PDE8B: variants seen among roughly 807,000 people sequenced by gnomAD.
PDE8B encodes the protein high affinity cAMP-specific and IBMX-insensitive 3',5'-cyclic phosphodiesterase 8B.
In PDE8B, 26 loss-of-function variants were observed where a neutral mutation model predicts 101.3. That is an observed-to-expected ratio of 0.26 (90% CI 0.19 to 0.36). PDE8B has a LOEUF of 0.36. Among genes scored for constraint, PDE8B ranks in the 10% least tolerant of loss-of-function variants. The probability of loss-of-function intolerance (pLI) is 1.00; values close to 1 mark genes in which losing one functional copy is unlikely to be tolerated. For missense variants in PDE8B, 810 were observed against 1,163.1 expected (o/e 0.70, Z 4.42); for synonymous variants, 424 against 429.3 (o/e 0.99, Z 0.15).
intron 10 of PDE8B, among the ~76,000 whole-genome samples, chr5:77,374,626 T>C (rs1785703486): frequency 6.6e-6 from 1 of 152,354 alleles, no homozygotes; most frequent in East Asian, 1.9e-4. Flanking sequence ...CTTTTGAAAC[T>C]GGAAGTCCAT....
At chr5:77,092,622 C>T in the PDE8B span, 7 of 152,264 alleles carry the variant, frequency 4.6e-5, no homozygotes, top group Non-Finnish European at 7.3e-5. Flanking sequence ...CTATCAGAAA[C>T]CCACTTTGAG....
the PDE8B span, chr5:77,180,479 C>G: frequency 2.0e-6 from 2 of 985,388 alleles, no homozygotes; most frequent in Non-Finnish European, 2.4e-6. Flanking sequence ...CCACCGAGCG[C>G]GTGCCAGGTG....
chr5:77,418,473 C>T lies in PDE8B; in HGVS notation c.2129+27C>T, dbSNP rs187502120. On this transcript the variant is annotated intron_variant, in intron 18 of 21. Coordinates refer to ENST00000264917, the MANE Select transcript of PDE8B (RefSeq NM_003719.5). ...TTTGTTGTGCTGGGGCTCCTGTGCTCAAGTTTGTGAAGTTTAAGTGGTTTT... is the reference window on the plus strand; with the variant it reads ...TTTGTTGTGCTGGGGCTCCTGTGCTTAAGTTTGTGAAGTTTAAGTGGTTTT... The T allele has an allele frequency of 6.3e-4, 972 of 1,540,320 alleles. 2 individuals carry two copies. Among genetic ancestry groups the T allele is most frequent in the Middle Eastern group, 2.2e-3 (13 of 5,950 alleles).
chr5:77,144,587 G>A, the PDE8B span: 1 of 110,602 alleles, frequency 9.0e-6, no homozygotes, highest in African/African-American at 3.6e-5. Flanking sequence ...AAATGTTGGA[G>A]GAAGAATTTT....
At chr5:77,326,247 T>C (rs1465287746) in intron 3 of PDE8B, among the ~76,000 whole-genome samples, 1 of 152,212 alleles carries the variant, frequency 6.6e-6, no homozygotes, top group Non-Finnish European at 1.5e-5. Context: ...TGCTTGTTTA[T>C]AGAAATGCTT....
intron 10 of PDE8B, among the ~76,000 whole-genome samples, chr5:77,387,538 A>G (rs961600122): frequency 1.3e-5 from 2 of 151,678 alleles, no homozygotes; most frequent in Non-Finnish European, 2.9e-5. Flanking sequence ...CACCAATTAC[A>G]TGTCTTGGGG....
the PDE8B span, among the ~76,000 whole-genome samples, chr5:77,129,132 A>T: frequency 6.6e-6 from 1 of 152,106 alleles, no homozygotes; most frequent in African/African-American, 2.4e-5. Context: ...ACGTTTTCCC[A>T]ACTAGTTTAG....
intron 11 of PDE8B, among the ~76,000 whole-genome samples, chr5:77,402,423 C>T (rs199592299): frequency 1.4e-4 from 22 of 152,084 alleles, no homozygotes; most frequent in East Asian, 1.3e-3. Context: ...ATAATAGTTC[C>T]GCTTTCACTT....
the PDE8B span, among the ~76,000 whole-genome samples, chr5:77,137,063 T>C: frequency 6.6e-6 from 1 of 152,212 alleles, no homozygotes; most frequent in Non-Finnish European, 1.5e-5. Flanking sequence ...GGTTCTTACA[T>C]TTCACCTTTC....
chr5:77,407,036 G>T (rs1343514852), intron 12 of PDE8B, among the ~76,000 whole-genome samples: 1 of 152,218 alleles, frequency 6.6e-6, no homozygotes, highest in African/African-American at 2.4e-5. Context: ...AACTGCAAAA[G>T]TTGGGTTTGG....
intron 1 of PDE8B, among the ~76,000 whole-genome samples, chr5:77,233,447 G>T (rs981461228): frequency 1.3e-5 from 2 of 152,118 alleles, no homozygotes; most frequent in Non-Finnish European, 1.5e-5. Flanking sequence ...TTTGTTTATT[G>T]AGGACAAAGT....
chr5:77,134,069 G>T, the PDE8B span, among the ~76,000 whole-genome samples: 1 of 152,148 alleles, frequency 6.6e-6, no homozygotes, highest in East Asian at 1.9e-4. Flanking sequence ...TTGACCAGAG[G>T]ATCACTTCAT....
the PDE8B span, among the ~76,000 whole-genome samples, chr5:77,186,301 G>C: frequency 6.6e-6 from 1 of 152,164 alleles, no homozygotes; most frequent in East Asian, 1.9e-4. Context: ...TAATTAGATC[G>C]TACAGCCAAA....
chr5:77,418,073 G>A (rs1795934017), intron 17 of PDE8B, among the ~76,000 whole-genome samples, 156 bp from the exon 18 acceptor site: 1 of 152,138 alleles, frequency 6.6e-6, no homozygotes, highest in Non-Finnish European at 1.5e-5. Flanking sequence ...CTGCATGTCC[G>A]AGGCCGCCTC....
chr5:77,418,478 T>C (rs771504573), intron 18 of PDE8B, 32 bp downstream of exon 18: 1 of 1,518,098 alleles, frequency 6.6e-7, no homozygotes, highest in Non-Finnish European at 9.1e-7. Flanking sequence ...GTGCTCAAGT[T>C]TGTGAAGTTT....
intron 10 of PDE8B, among the ~76,000 whole-genome samples, chr5:77,353,665 A>G (rs1255205633): frequency 6.6e-6 from 1 of 152,216 alleles, no homozygotes; most frequent in Non-Finnish European, 1.5e-5. Context: ...ATATGAAGGC[A>G]TAAAATTTTT....
At chr5:77,333,546 T>C (rs1432892004) in intron 5 of PDE8B, among the ~76,000 whole-genome samples, 1 of 152,178 alleles carries the variant, frequency 6.6e-6, no homozygotes, top group African/African-American at 2.4e-5. Flanking sequence ...TGACACACTG[T>C]GGGTTTTATC....
intron 10 of PDE8B, among the ~76,000 whole-genome samples, chr5:77,385,080 TTGAC>T (rs1788268513): frequency 6.6e-6 from 1 of 152,192 alleles, no homozygotes; most frequent in Admixed American, 6.5e-5. Context: ...TTGGTAGAAT[TTGAC>T]TGTGAATCCT....
chr5:77,269,117 C>T (rs987961992), intron 1 of PDE8B, among the ~76,000 whole-genome samples: 3 of 151,934 alleles, frequency 2.0e-5, no homozygotes, highest in South Asian at 4.2e-4. Context: ...GTTCCCTTTC[C>T]GCCACATCCT....
Sources: gnomAD v4.1 joint callset for allele counts (sites outside exome capture counted in the v4.1 genomes callset) on GRCh38, gnomAD v4.1.1 for gene constraint, MANE v1.5 for transcripts, NCBI Gene and HGNC (gene_info 2026-07-23, HGNC 2026-07-21) for gene names.